Variants in AKT3 observed in about 807,000 individuals in gnomAD.
AKT3 encodes RAC-gamma serine/threonine-protein kinase.
A neutral mutation model predicts 65.3 loss-of-function variants in AKT3; 15 were observed. The ratio of observed to expected loss-of-function variants is 0.23; its 90% CI spans 0.15 to 0.35. The LOEUF is 0.35. Among genes scored for constraint, AKT3 ranks in the 10% least tolerant of loss-of-function variants. The pLI is 1.00. For synonymous variants in AKT3, 206 were observed against 183.8 expected, an observed-to-expected ratio of 1.12 and a Z score of -0.98; for missense variants, 243 against 576.5, an observed-to-expected ratio of 0.42 and a Z score of 5.92.
intron 13 of AKT3, among the ~76,000 whole-genome samples, chr1:243,491,974 G>A (rs1312191088): frequency 6.6e-6 from 1 of 152,192 alleles, no homozygotes; most frequent in Admixed American, 6.5e-5. Flanking sequence ...GTCGGGCAAT[G>A]GTTCCAAAGC....
chr1:243,683,377 C>T (rs577029480), intron 3 of AKT3, among the ~76,000 whole-genome samples: 1 of 152,070 alleles, frequency 6.6e-6, no homozygotes, highest in Non-Finnish European at 1.5e-5. Flanking sequence ...ACAATTTAGA[C>T]TTCCTAAAAA....
chr1:243,507,838 G>A (rs1001641985), intron 13 of AKT3, among the ~76,000 whole-genome samples: 1 of 152,192 alleles, frequency 6.6e-6, no homozygotes, highest in African/African-American at 2.4e-5. Flanking sequence ...GTAAGAGGAA[G>A]GAGGAGGACC....
intron 2 of AKT3, among the ~76,000 whole-genome samples, chr1:243,751,285 C>T (rs1057098629): frequency 6.6e-6 from 1 of 152,294 alleles, no homozygotes; most frequent in Non-Finnish European, 1.5e-5. Context: ...TGCAAAAATC[C>T]ATTTGTAGAC....
At chr1:243,539,700 C>A (rs1409115945) in intron 12 of AKT3, among the ~76,000 whole-genome samples, 1 of 152,086 alleles carries the variant, frequency 6.6e-6, no homozygotes, top group Non-Finnish European at 1.5e-5. Context: ...TCTGAAAAAT[C>A]CATATATTTG....
intron 5 of AKT3, among the ~76,000 whole-genome samples, chr1:243,642,838 C>T (rs986875823): frequency 6.6e-6 from 1 of 152,098 alleles, no homozygotes; most frequent in African/African-American, 2.4e-5. Flanking sequence ...GTCTAGCCCA[C>T]AAATTAGATT....
intron 3 of AKT3, among the ~76,000 whole-genome samples, chr1:243,695,256 CCACAA>C (rs1684988530): frequency 6.6e-6 from 1 of 151,874 alleles, no homozygotes; most frequent in Non-Finnish European, 1.5e-5. Context: ...GCATTAAGTA[CCACAA>C]CATCTTATAA....
At chr1:243,789,453 T>C (rs1691479248) in intron 2 of AKT3, among the ~76,000 whole-genome samples, 2 of 152,256 alleles carry the variant, frequency 1.3e-5, no homozygotes, top group Admixed American at 1.3e-4. Context: ...TTTATCATAA[T>C]ACTGCAACAA....
At chr1:243,694,594 A>G (rs1337813202) in intron 3 of AKT3, among the ~76,000 whole-genome samples, 5 of 151,810 alleles carry the variant, frequency 3.3e-5, no homozygotes, top group Non-Finnish European at 5.9e-5. Context: ...CCTTTGGTTT[A>G]TTGTTTTATC....
At chr1:243,573,890 T>C (rs534340414) in intron 8 of AKT3, among the ~76,000 whole-genome samples, 3 of 152,244 alleles carry the variant, frequency 2.0e-5, no homozygotes, top group Admixed American at 6.5e-5. Context: ...CTACAAATAT[T>C]ATCTCAATTG....
At chr1:243,563,588 C>T (rs541864216) in intron 10 of AKT3, 132 bp downstream of exon 10, 1 of 1,151,346 alleles carries the variant, frequency 8.7e-7, no homozygotes, top group East Asian at 2.6e-5. Flanking sequence ...AATTAAGAGC[C>T]AAAAAATTTT....
At chr1:243,489,050 C>G (rs780984764) in intron 13 of AKT3, 5 of 1,613,316 alleles carry the variant, frequency 3.1e-6, no homozygotes, top group African/African-American at 1.3e-5. Flanking sequence ...AGGCCACAGC[C>G]CAGCAGCTGG....
At chr1:243,637,846 C>T (rs2147812884) in intron 5 of AKT3, 104 bp from the exon 6 acceptor site, 1 of 695,124 alleles carries the variant, frequency 1.4e-6, no homozygotes, top group East Asian at 3.2e-5. Flanking sequence ...CAAATTTTAC[C>T]AATTTATAAG....
intron 2 of AKT3, among the ~76,000 whole-genome samples, chr1:243,742,140 A>G (rs141660016): frequency 1.3e-5 from 2 of 151,978 alleles, no homozygotes; most frequent in East Asian, 3.9e-4. Context: ...AAGGGACTTG[A>G]GCATCCTTGG....
chr1:243,742,401 G>A (rs1040800063), intron 2 of AKT3, among the ~76,000 whole-genome samples: 2 of 152,142 alleles, frequency 1.3e-5, no homozygotes, highest in Admixed American at 6.6e-5. Flanking sequence ...TGAGGCAGGC[G>A]ATCACCTAAG....
chr1:243,746,905 G>A (rs1286256964), intron 2 of AKT3, among the ~76,000 whole-genome samples: 1 of 151,954 alleles, frequency 6.6e-6, no homozygotes, highest in African/African-American at 2.4e-5. Context: ...CATGGGGGGT[G>A]GGGGGCAGTA....
chr1:243,832,120 TAAAAAAAAAAAAAAAAAAAAAAAAAAA>T (rs869235352), intron 2 of AKT3, among the ~76,000 whole-genome samples: 495 of 44,790 alleles, frequency 0.011, 4 homozygotes, highest in African/African-American at 0.037. Context: ...TCCCTAAAAC[TAAAAAAAAAAAAAAAAAAAAAAAAAAA>T]AAAAAAAAAA....
At position 243,677,258 on chromosome 1, in the gene AKT3, T is replaced by A. The variant is rs574326409; in HGVS notation, c.173-12375A>T. On this transcript the variant is annotated intron_variant, in intron 3 of 13. Coordinates refer to ENST00000673466, the MANE Select transcript of AKT3 (RefSeq NM_005465.7). The stretch of plus-strand genomic sequence containing the variant: ...GATCTTCTCTTATTCCAACTCATAC[T>A]CTCTATCCCTGAAGATCTACTACAC... 3.3e-5 allele frequency among the ~76,000 whole-genome samples: 5 copies of A among 152,286 alleles called. No homozygotes were observed. In the South Asian group the frequency reaches 1.0e-3, roughly 32 times the overall value.
chr1:243,813,602 C>A (rs1418063743), intron 2 of AKT3, among the ~76,000 whole-genome samples: 1 of 151,882 alleles, frequency 6.6e-6, no homozygotes. Context: ...GGTGACATAA[C>A]CAAATATAGT....
chr1:243,718,706 C>T (rs1686679516), intron 2 of AKT3, among the ~76,000 whole-genome samples: 1 of 152,014 alleles, frequency 6.6e-6, no homozygotes, highest in Admixed American at 6.5e-5. Context: ...ATCTCCTGAC[C>T]TCGTGATCTG....
Sources: allele counts gnomAD v4.1 joint callset (sites outside exome capture counted in the v4.1 genomes callset), GRCh38; gene constraint gnomAD v4.1.1; transcripts MANE v1.5; gene names NCBI Gene and HGNC (gene_info 2026-07-23, HGNC 2026-07-21).